MAPK10: variants seen among roughly 807,000 people sequenced by gnomAD.
MAPK10 encodes JNK3 alpha protein kinase.
In MAPK10, 25 loss-of-function variants were observed where a neutral mutation model predicts 59.3. That is an observed-to-expected ratio of 0.42 (90% CI 0.31 to 0.59). MAPK10 has a LOEUF of 0.59. Among genes scored for constraint, MAPK10 ranks in the 20% least tolerant of loss-of-function variants. The pLI is 0.15. For synonymous variants in MAPK10, 190 were observed against 200.5 expected (o/e 0.95, Z 0.44); for missense variants, 351 against 568.9 (o/e 0.62, Z 3.90).
Position 86,163,102 on chromosome 4 carries a change from A to G in MAPK10, c.67-3635T>C, listed in dbSNP as rs1581621390. ...TTGGAAGTTAGGGAAGATGTTCATGAAAGCATCTCAAATAATTGGTAAAAG... is the reference window on the plus strand; with the variant it reads ...TTGGAAGTTAGGGAAGATGTTCATGGAAGCATCTCAAATAATTGGTAAAAG... On this transcript the variant is annotated intron_variant, in intron 3 of 13. Coordinates refer to ENST00000641462, the MANE Select transcript of MAPK10 (RefSeq NM_138982.4). Among the ~76,000 whole-genome samples, 4 of 152,278 alleles carry G rather than the reference A, an allele frequency of 2.6e-5. No homozygotes were observed. The South Asian group carries it at 8.3e-4, about 32-fold the overall frequency.
In MAPK10 at chr4:86,048,558, C is replaced by T. The variant is rs2042939649; in HGVS notation, c.1110+15708G>A. ...CATTTGCACTTTTGCCCTACAGTCA[C>T]AAAACAAAAGCAAATGAACAAGGGA... On this transcript the variant is annotated intron_variant, in intron 11 of 13. Coordinates refer to ENST00000641462, the MANE Select transcript of MAPK10 (RefSeq NM_138982.4). Among the ~76,000 whole-genome samples the T allele has an allele frequency of 3.3e-5, 5 of 152,154 alleles. No individual in the cohort carries two copies. In the South Asian group the frequency reaches 1.0e-3, roughly 32 times the overall value.
intron 2 of MAPK10, among the ~76,000 whole-genome samples, chr4:86,352,787 A>G (rs1732246228): frequency 6.6e-6 from 1 of 152,200 alleles, no homozygotes; most frequent in Non-Finnish European, 1.5e-5. Flanking sequence ...TATATTTCAC[A>G]ATTAAAAAAT....
rs1747621971 is a variant in MAPK10, at chr4:86,022,346, A to T, written c.1253-4976T>A. ...GATTTGCATTTGCCTGATAGCTAAT[A>T]ATGTTGAGTATATTTTTTCATGTGC... On this transcript the variant is annotated intron_variant, in intron 13 of 13. Coordinates refer to ENST00000641462, the MANE Select transcript of MAPK10 (RefSeq NM_138982.4). Among the ~76,000 whole-genome samples, 4 of 152,190 alleles carry T rather than the reference A, an allele frequency of 2.6e-5. No individual in the cohort carries two copies. In the South Asian group the frequency reaches 8.3e-4, roughly 32 times the overall value.
At chr4:86,207,214 A>G (rs375515900) in intron 2 of MAPK10, among the ~76,000 whole-genome samples, 8 of 151,390 alleles carry the variant, frequency 5.3e-5, no homozygotes, top group African/African-American at 1.2e-4. Flanking sequence ...ATCTTGAATT[A>G]ATTTTTGTAT....
Position 86,057,139 on chromosome 4 carries a change from G to A in MAPK10, c.1110+7127C>T, listed in dbSNP as rs150969851. 1.5e-3 allele frequency among the ~76,000 whole-genome samples: 227 copies of A among 148,684 alleles called. 19 individuals carry two copies. The highest frequency in any genetic ancestry group is 4.8e-3 in the African/African-American group (188 of 39,502). ...ATTTTTGTATTTTTAGTAGAGATGGGGTTTTGCCGTGTTGGCCAGGCCCAA... is the reference window on the plus strand; with the variant it reads ...ATTTTTGTATTTTTAGTAGAGATGGAGTTTTGCCGTGTTGGCCAGGCCCAA... On this transcript the variant is annotated intron_variant, in intron 11 of 13. Coordinates refer to ENST00000641462, the MANE Select transcript of MAPK10 (RefSeq NM_138982.4).
At chr4:86,265,823 G>A (rs113914221) in intron 2 of MAPK10, among the ~76,000 whole-genome samples, 2 of 152,222 alleles carry the variant, frequency 1.3e-5, no homozygotes, top group African/African-American at 4.8e-5. Context: ...CTGCCCACAA[G>A]CAGTGCTATT....
intron 6 of MAPK10, chr4:86,102,328 T>A (rs1409056894): frequency 7.5e-6 from 2 of 266,034 alleles, no homozygotes; most frequent in South Asian, 1.1e-4. Context: ...AATATTATAA[T>A]TTCAAATAAG....
intron 9 of MAPK10, among the ~76,000 whole-genome samples, chr4:86,096,895 C>T (rs2054322841): frequency 6.6e-6 from 1 of 151,884 alleles, no homozygotes; most frequent in Non-Finnish European, 1.5e-5. Context: ...ATGGAGCAAA[C>T]AGAGATTCAA....
At chr4:86,260,968 T>G (rs1165646253) in intron 2 of MAPK10, among the ~76,000 whole-genome samples, 1 of 152,092 alleles carries the variant, frequency 6.6e-6, no homozygotes, top group African/African-American at 2.4e-5. Context: ...AATTTTTTAC[T>G]AAAAAAGTAC....
intron 1 of MAPK10, among the ~76,000 whole-genome samples, chr4:86,425,458 T>C (rs185625502): frequency 8.4e-4 from 128 of 152,242 alleles, no homozygotes; most frequent in African/African-American, 3.0e-3. Flanking sequence ...TAGGCTTTAA[T>C]ATTTTCACTA....
intron 6 of MAPK10, 77 bp downstream of exon 6, chr4:86,103,109 G>GTGTC (rs1282718999): frequency 5.0e-6 from 4 of 794,154 alleles, no homozygotes; most frequent in African/African-American, 3.4e-5. Context: ...GTGTGTGTGT[G>GTGTC]TGTGTGTGGT....
At position 86,015,255 on chromosome 4, in the gene MAPK10, C is replaced by T. The variant is rs1202; in HGVS notation, c.*1973G>A. 0.088 allele frequency: 13,434 copies of T among 152,204 alleles called. 781 individuals carry two copies. Among genetic ancestry groups the T allele is most frequent in the African/African-American group, 0.15 (6,175 of 41,508 alleles). The allele number at this position is 152,204 out of a possible 1,614,324, so 9.4% of individuals were successfully genotyped here. A position where few individuals can be genotyped will look rare whatever the true frequency, so the allele number is the denominator to read the frequency against. On this transcript the variant is annotated 3_prime_UTR_variant, in exon 14 of 14. Transcript: ENST00000641462. The stretch of plus-strand genomic sequence containing the variant: ...AATCTCAGAATGGCAGCACCACTGG[C>T]ATGGCGATGGTGCAGGTGGGTGCAG...
chr4:86,577,857 C>T (rs976331612), intron 1 of MAPK10, among the ~76,000 whole-genome samples: 9 of 151,910 alleles, frequency 5.9e-5, no homozygotes, highest in South Asian at 2.1e-4. Flanking sequence ...ATTTTAAATA[C>T]CATTTTATTG....
intron 5 of MAPK10, among the ~76,000 whole-genome samples, chr4:86,103,865 T>A (rs1277563764): frequency 6.6e-6 from 1 of 152,050 alleles, no homozygotes; most frequent in Non-Finnish European, 1.5e-5. Flanking sequence ...ATATATCAGC[T>A]AGTAAAAAAA....
intron 1 of MAPK10, among the ~76,000 whole-genome samples, chr4:86,435,271 C>T (rs1322242659): frequency 6.6e-6 from 1 of 151,862 alleles, no homozygotes; most frequent in Non-Finnish European, 1.5e-5. Context: ...CTGAGGCGGG[C>T]GGATTACCTG....
At chr4:86,414,968 T>C (rs116299418) in intron 1 of MAPK10, among the ~76,000 whole-genome samples, 2,210 of 151,914 alleles carry the variant, frequency 0.015, 57 homozygotes, top group African/African-American at 0.05. Context: ...GGATACACTG[T>C]CTCTACAACA....
chr4:86,067,729 C>T (rs2047024070), intron 10 of MAPK10, 44 bp downstream of exon 10: 6 of 1,533,518 alleles, frequency 3.9e-6, no homozygotes, highest in Middle Eastern at 1.8e-4. Context: ...TTGTTTGGCC[C>T]GTCACCCTCA....
At chr4:86,168,141 G>A (rs1376079699) in intron 3 of MAPK10, among the ~76,000 whole-genome samples, 3 of 152,244 alleles carry the variant, frequency 2.0e-5, no homozygotes, top group Non-Finnish European at 4.4e-5. Context: ...CGACACAGAA[G>A]ACGGGTGATT....
chr4:86,402,441 A>G (rs1228453277), intron 1 of MAPK10, among the ~76,000 whole-genome samples: 2 of 152,192 alleles, frequency 1.3e-5, no homozygotes, highest in African/African-American at 2.4e-5. Flanking sequence ...AATATGTCCA[A>G]TCAGTGCAGA....
Sources: gnomAD v4.1 joint callset for allele counts (sites outside exome capture counted in the v4.1 genomes callset) on GRCh38, gnomAD v4.1.1 for gene constraint, MANE v1.5 for transcripts, NCBI Gene and HGNC (gene_info 2026-07-23, HGNC 2026-07-21) for gene names.